AGBL4: variants seen among roughly 807,000 people sequenced by gnomAD.
AGBL4 encodes the protein AGBL carboxypeptidase 4, also known as cytosolic carboxypeptidase 6.
In AGBL4, 58 loss-of-function variants were observed where a neutral mutation model predicts 66.4. The ratio of observed to expected loss-of-function variants is 0.87; its 90% CI spans 0.71 to 1.09. The LOEUF is 1.09. Ranked by LOEUF, AGBL4 falls within the 50% of genes least tolerant of loss-of-function variation. The pLI is 0.00. For missense variants in AGBL4, 579 were observed against 631.0 expected, an observed-to-expected ratio of 0.92 and a Z score of 0.88; for synonymous variants, 234 against 222.9, an observed-to-expected ratio of 1.05 and a Z score of -0.44.
At chr1:49,136,508 T>C (rs1249145317) in intron 4 of AGBL4, among the ~76,000 whole-genome samples, 1 of 152,190 alleles carries the variant, frequency 6.6e-6, no homozygotes, top group African/African-American at 2.4e-5. Flanking sequence ...CCAGAGGCTA[T>C]TTGAAATCTC....
intron 10 of AGBL4, among the ~76,000 whole-genome samples, chr1:48,590,255 A>G (rs1051830940): frequency 3.3e-5 from 5 of 151,968 alleles, no homozygotes; most frequent in Admixed American, 1.3e-4. Flanking sequence ...AAATGCAAAA[A>G]ATTAGGCGGG....
At chr1:48,878,276 T>C (rs1416330398) in intron 5 of AGBL4, among the ~76,000 whole-genome samples, 1 of 152,136 alleles carries the variant, frequency 6.6e-6, no homozygotes, top group Non-Finnish European at 1.5e-5. Flanking sequence ...CAGCTCCACA[T>C]AGAACTGTGG....
At chr1:48,996,220 C>T (rs988953031) in intron 5 of AGBL4, among the ~76,000 whole-genome samples, 1 of 152,156 alleles carries the variant, frequency 6.6e-6, no homozygotes, top group African/African-American at 2.4e-5. Context: ...GATTGAGATA[C>T]TATGCAGACA....
chr1:49,044,495 CA>C (rs374315609), intron 5 of AGBL4, among the ~76,000 whole-genome samples: 113 of 137,482 alleles, frequency 8.2e-4, no homozygotes, highest in South Asian at 1.6e-3. Context: ...GACTCCATCT[CA>C]AAAAAAAAAA....
intron 3 of AGBL4, among the ~76,000 whole-genome samples, chr1:49,453,431 T>C (rs1177346948): frequency 1.3e-5 from 2 of 151,748 alleles, no homozygotes; most frequent in African/African-American, 2.4e-5. Context: ...AAGACACTTT[T>C]CCAGAAATAT....
chr1:49,631,869 T>C (rs963979887), intron 3 of AGBL4, among the ~76,000 whole-genome samples: 1 of 152,128 alleles, frequency 6.6e-6, no homozygotes, highest in Non-Finnish European at 1.5e-5. Context: ...GAAAAGTCCT[T>C]GCAAGCAGAC....
At position 49,661,117 on chromosome 1, in the gene AGBL4, A is replaced by C. The variant is rs193280888; in HGVS notation, c.282+36196T>G. 2.5e-4 allele frequency among the ~76,000 whole-genome samples: 38 copies of C among 152,270 alleles called. No homozygotes were observed. The East Asian group carries it at 5.2e-3, about 21-fold the overall frequency. On this transcript the variant is annotated intron_variant, in intron 3 of 13. Coordinates refer to ENST00000371839, the MANE Select transcript of AGBL4 (RefSeq NM_032785.4). ...TGTACCCCAAAACTTAAAAATAAAA[A>C]TTTGCAAAATATTTGAAATTGACAC... is the stretch of plus-strand genomic sequence containing the variant.
intron 3 of AGBL4, among the ~76,000 whole-genome samples, chr1:49,336,032 T>C (rs918472614): frequency 1.3e-5 from 2 of 152,018 alleles, no homozygotes. Context: ...TATTTATTTA[T>C]TATAAGGAAT....
At chr1:48,535,607 A>G (rs1324526428) in intron 12 of AGBL4, among the ~76,000 whole-genome samples, 1 of 152,184 alleles carries the variant, frequency 6.6e-6, no homozygotes, top group Non-Finnish European at 1.5e-5. Context: ...TGTCACTGCC[A>G]TGGAATGTGT....
chr1:49,570,699 T>C (rs192151022), intron 3 of AGBL4, among the ~76,000 whole-genome samples: 35 of 152,248 alleles, frequency 2.3e-4, no homozygotes, highest in Admixed American at 1.1e-3. Context: ...GATTTTCGTC[T>C]AGTATTTTTA....
At chr1:49,825,963 C>A (rs934331026) in intron 2 of AGBL4, among the ~76,000 whole-genome samples, 20 of 151,358 alleles carry the variant, frequency 1.3e-4, no homozygotes, top group Admixed American at 6.6e-4. Flanking sequence ...TAAAAAAAAA[C>A]AAAACTTACA....
At chr1:49,999,879 A>G (rs1660623472) in intron 1 of AGBL4, among the ~76,000 whole-genome samples, 1 of 152,148 alleles carries the variant, frequency 6.6e-6, no homozygotes, top group South Asian at 2.1e-4. Flanking sequence ...ATGTAGAAGA[A>G]TGAAACTGGA....
At chr1:48,923,332 C>T (rs1654252945) in intron 5 of AGBL4, among the ~76,000 whole-genome samples, 1 of 152,120 alleles carries the variant, frequency 6.6e-6, no homozygotes, top group Non-Finnish European at 1.5e-5. Flanking sequence ...CAAGAGCTAG[C>T]AGAGTGCCTG....
At chr1:48,956,284 C>G (rs745393953) in intron 5 of AGBL4, among the ~76,000 whole-genome samples, 1 of 152,198 alleles carries the variant, frequency 6.6e-6, no homozygotes, top group Non-Finnish European at 1.5e-5. Flanking sequence ...TTACTTCAAT[C>G]TCAAGTACCC....
chr1:49,424,130 G>A (rs1158421707), intron 3 of AGBL4, among the ~76,000 whole-genome samples: 2 of 152,074 alleles, frequency 1.3e-5, no homozygotes, highest in Non-Finnish European at 2.9e-5. Flanking sequence ...TGCCATTTTC[G>A]AAGACACTAA....
intron 11 of AGBL4, among the ~76,000 whole-genome samples, chr1:48,572,558 G>A (rs1291695431): frequency 5.3e-5 from 8 of 151,952 alleles, no homozygotes; most frequent in African/African-American, 1.5e-4. Context: ...GAGTGTGTGT[G>A]TGGGAGAGAG....
At position 49,772,792 on chromosome 1, in the gene AGBL4, G is replaced by C. The variant is rs546300510; in HGVS notation, c.158-75355C>G. 3.9e-5 allele frequency among the ~76,000 whole-genome samples: 6 copies of C among 152,204 alleles called. No individual in the cohort carries two copies. The East Asian group carries it at 1.2e-3, about 29-fold the overall frequency. ...AGATTCTGTCTCTGTCTTTGACTTAGACATTATGATTAAAATGTGCCTTAA... is the reference window on the plus strand; with the variant it reads ...AGATTCTGTCTCTGTCTTTGACTTACACATTATGATTAAAATGTGCCTTAA... On this transcript the variant is annotated intron_variant, in intron 2 of 13. Coordinates refer to ENST00000371839, the MANE Select transcript of AGBL4 (RefSeq NM_032785.4).
intron 6 of AGBL4, among the ~76,000 whole-genome samples, chr1:48,747,930 C>CT (rs1225486694): frequency 1.7e-4 from 26 of 151,752 alleles, no homozygotes; most frequent in South Asian, 8.4e-4. Flanking sequence ...TTCTTTCTTT[C>CT]TTTTTTTTAG....
chr1:49,196,263 A>T (rs1425639045), intron 4 of AGBL4, among the ~76,000 whole-genome samples: 5 of 152,152 alleles, frequency 3.3e-5, no homozygotes, highest in East Asian at 3.9e-4. Flanking sequence ...GGATTAATTT[A>T]AAAAACCTGT....
Sources: allele counts gnomAD v4.1 joint callset (sites outside exome capture counted in the v4.1 genomes callset), GRCh38; gene constraint gnomAD v4.1.1; transcripts MANE v1.5; gene names NCBI Gene and HGNC (gene_info 2026-07-23, HGNC 2026-07-21).